Variants in ADAMTS6 observed in about 807,000 individuals in gnomAD.
The protein encoded by ADAMTS6 is ADAM metallopeptidase with thrombospondin type 1 motif 6.
ADAMTS6 carries 23 observed loss-of-function variants against 144.3 expected under a neutral mutation model. The observed-to-expected ratio is 0.16, with a 90% CI of 0.11 to 0.23. ADAMTS6 has a LOEUF of 0.23. ADAMTS6 is among the 10% of genes least tolerant of loss of function. The pLI is 1.00. For synonymous variants in ADAMTS6, 444 were observed against 457.5 expected (o/e 0.97, Z 0.38); for missense variants, 999 against 1,379.6 (o/e 0.72, Z 4.37).
chr5:65,193,000 T>TAA (rs1338180178), intron 21 of ADAMTS6, among the ~76,000 whole-genome samples: 1 of 151,900 alleles, frequency 6.6e-6, no homozygotes, highest in African/African-American at 2.4e-5. Context: ...TACTTTCTGA[T>TAA]AAAAAATACG....
chr5:65,372,146 C>A (rs377725294), intron 7 of ADAMTS6, among the ~76,000 whole-genome samples: 7 of 146,202 alleles, frequency 4.8e-5, no homozygotes, highest in Non-Finnish European at 1.0e-4. Flanking sequence ...AAGGAACAAC[C>A]GGTACCAGCC....
chr5:65,447,880 A>G (rs907360079), intron 7 of ADAMTS6, among the ~76,000 whole-genome samples: 2 of 150,470 alleles, frequency 1.3e-5, no homozygotes, highest in Admixed American at 1.3e-4. Context: ...ATATTGCCAT[A>G]TTTCCACAAA....
chr5:65,476,909 A>G (rs1421851720), intron 1 of ADAMTS6, among the ~76,000 whole-genome samples: 1 of 152,134 alleles, frequency 6.6e-6, no homozygotes, highest in Non-Finnish European at 1.5e-5. Flanking sequence ...CACTGCGCCC[A>G]GTCGATATAT....
In ADAMTS6 at chr5:65,339,601, T is replaced by A. The variant is rs552541493; in HGVS notation, c.1074-5516A>T. Among the ~76,000 whole-genome samples, 14 of 151,892 alleles carry A rather than the reference T, an allele frequency of 9.2e-5. No individual in the cohort carries two copies. In the East Asian group the frequency reaches 2.5e-3, roughly 27 times the overall value. On this transcript the variant is annotated intron_variant, in intron 7 of 24. Transcript: ENST00000381055. ...TGAGATATAATATAGATAGACAATTTAATGAAATCAGAACAATTAACGATT... is the reference window on the plus strand; with the variant it reads ...TGAGATATAATATAGATAGACAATTAAATGAAATCAGAACAATTAACGATT...
intron 3 of ADAMTS6, among the ~76,000 whole-genome samples, chr5:65,470,300 T>G (rs1294801866): frequency 6.6e-6 from 1 of 152,140 alleles, no homozygotes; most frequent in Non-Finnish European, 1.5e-5. Flanking sequence ...TCATAGACAC[T>G]GTATAAAAGA....
At chr5:65,416,809 T>C (rs1223946597) in intron 7 of ADAMTS6, among the ~76,000 whole-genome samples, 2 of 149,402 alleles carry the variant, frequency 1.3e-5, no homozygotes. Context: ...TAATATAAAA[T>C]GTGGTATATC....
intron 21 of ADAMTS6, among the ~76,000 whole-genome samples, chr5:65,196,746 G>A (rs1037332432): frequency 2.0e-5 from 3 of 151,890 alleles, no homozygotes; most frequent in African/African-American, 4.8e-5. Context: ...AAAGATGTGT[G>A]CTTTAGAATT....
At chr5:65,275,411 G>GAAAGAAAGAAAGA (rs1554060504) in intron 11 of ADAMTS6, among the ~76,000 whole-genome samples, 12 of 125,952 alleles carry the variant, frequency 9.5e-5, no homozygotes, top group African/African-American at 3.7e-4. Context: ...AAGAAAGAAA[G>GAAAGAAAGAAAGA]AAAGAAAAGA....
chr5:65,176,767 G>A (rs999640840), intron 22 of ADAMTS6, among the ~76,000 whole-genome samples: 2 of 152,112 alleles, frequency 1.3e-5, no homozygotes, highest in Non-Finnish European at 2.9e-5. Context: ...ACAGTAAAAG[G>A]TGAAATTTAG....
rs1759963850 is a variant in ADAMTS6 at position 65,249,536 on chromosome 5, C to T, written c.1831-7330G>A. The stretch of plus-strand genomic sequence containing the variant: ...CTTCCAAGCATCGTTTCCTTTCTTT[C>T]CTGTTCTAAAGCCTTTTAAATAAAC... On this transcript the variant is annotated intron_variant, in intron 14 of 24. Coordinates refer to ENST00000381055, the MANE Select transcript of ADAMTS6 (RefSeq NM_197941.4). Among the ~76,000 whole-genome samples, 5 of 152,268 alleles carry T rather than the reference C, an allele frequency of 3.3e-5. No individual in the cohort carries two copies. The South Asian group carries it at 1.0e-3, about 32-fold the overall frequency.
Position 65,385,440 on chromosome 5 carries a change from T to TC in ADAMTS6, c.1074-51356dup, listed in dbSNP as rs759490358. ...GCTTTGCGATTTTTTAACTGGGTCT[T>TC]CATGATCTTGGGTAATCTCCTTTGT... On this transcript the variant is annotated intron_variant, in intron 7 of 24. Coordinates refer to ENST00000381055, the MANE Select transcript of ADAMTS6 (RefSeq NM_197941.4). Among the ~76,000 whole-genome samples the TC allele has an allele frequency of 4.6e-5, 7 of 152,184 alleles. No homozygotes were observed. The East Asian group carries it at 1.2e-3, about 25-fold the overall frequency.
intron 9 of ADAMTS6, among the ~76,000 whole-genome samples, chr5:65,307,716 T>C (rs1002309404): frequency 1.3e-5 from 2 of 152,204 alleles, no homozygotes; most frequent in East Asian, 3.8e-4. Flanking sequence ...AAATATGGCA[T>C]GTTGTCGGTC....
At chr5:65,257,039 A>C (rs1437657493) in intron 14 of ADAMTS6, among the ~76,000 whole-genome samples, 1 of 119,384 alleles carries the variant, frequency 8.4e-6, no homozygotes, top group African/African-American at 3.4e-5. Context: ...CATGTTGCCC[A>C]GGATGGTCTT....
chr5:65,451,324 TGTA>T, intron 7 of ADAMTS6, 148 bp downstream of exon 7: 1 of 728,630 alleles, frequency 1.4e-6, no homozygotes, highest in South Asian at 2.0e-5. Flanking sequence ...ACAATAATAG[TGTA>T]ATACATTCTT....
At chr5:65,381,389 G>C (rs1358396749) in intron 7 of ADAMTS6, among the ~76,000 whole-genome samples, 3 of 150,286 alleles carry the variant, frequency 2.0e-5, no homozygotes, top group African/African-American at 7.4e-5. Flanking sequence ...TTGAGATGGA[G>C]TCTCACTCTG....
chr5:65,394,314 G>A (rs993715062), intron 7 of ADAMTS6, among the ~76,000 whole-genome samples: 4 of 152,114 alleles, frequency 2.6e-5, no homozygotes, highest in African/African-American at 9.7e-5. Context: ...AAAGATGCCC[G>A]GCCATCCCCC....
intron 9 of ADAMTS6, among the ~76,000 whole-genome samples, chr5:65,322,386 CTG>C (rs772949341): frequency 3.3e-5 from 5 of 152,062 alleles, no homozygotes; most frequent in African/African-American, 4.8e-5. Context: ...AATTTTAAAA[CTG>C]TTTTTTCTAG....
chr5:65,185,366 T>C (rs1214643065), intron 22 of ADAMTS6, among the ~76,000 whole-genome samples: 1 of 152,218 alleles, frequency 6.6e-6, no homozygotes, highest in East Asian at 1.9e-4. Flanking sequence ...AAACCATTTT[T>C]CCTCTTGAAC....
At chr5:65,344,966 T>G (rs1369664904) in intron 7 of ADAMTS6, among the ~76,000 whole-genome samples, 3 of 151,860 alleles carry the variant, frequency 2.0e-5, no homozygotes, top group Non-Finnish European at 4.4e-5. Context: ...CTAATAAAAT[T>G]TAGCTCCTTA....
Sources: allele counts gnomAD v4.1 joint callset (sites outside exome capture counted in the v4.1 genomes callset), GRCh38; gene constraint gnomAD v4.1.1; transcripts MANE v1.5; gene names NCBI Gene and HGNC (gene_info 2026-07-23, HGNC 2026-07-21).